The following UBTD1 variants were observed in gnomAD, a reference collection of about 807,000 sequenced individuals.
UBTD1 encodes ubiquitin domain-containing protein 1.
A neutral mutation model predicts 21.7 loss-of-function variants in UBTD1; 19 were observed. That is an observed-to-expected ratio of 0.87 (90% CI 0.61 to 1.28). The LOEUF (loss-of-function observed/expected upper bound fraction) is 1.28. Ranked by LOEUF, UBTD1 falls within the 50% of genes most tolerant of loss-of-function variation. The pLI, the probability that UBTD1 is intolerant of heterozygous loss-of-function variation, is 0.00. For synonymous variants in UBTD1, 116 were observed against 135.1 expected (o/e 0.86, Z 0.98); for missense variants, 282 against 315.1 (o/e 0.89, Z 0.80).
At chr10:97,506,227 A>G (rs772300203) in intron 1 of UBTD1, among the ~76,000 whole-genome samples, 1 of 152,212 alleles carries the variant, frequency 6.6e-6, no homozygotes, top group Non-Finnish European at 1.5e-5. Flanking sequence ...AAGTAGCAAC[A>G]CTGGCACTGC....
intron 1 of UBTD1, among the ~76,000 whole-genome samples, chr10:97,545,422 GT>G (rs1254663305): frequency 5.1e-4 from 11 of 21,632 alleles, no homozygotes; most frequent in African/African-American, 8.6e-4. Flanking sequence ...GTGTGGGTGT[GT>G]GTGTGTGGGT....
intron 1 of UBTD1, among the ~76,000 whole-genome samples, chr10:97,501,592 CA>C (rs147083004): frequency 8.1e-5 from 12 of 148,530 alleles, no homozygotes; most frequent in South Asian, 2.2e-4. Context: ...GACTCTGTCT[CA>C]AAAAAAAACA....
intron 1 of UBTD1, among the ~76,000 whole-genome samples, chr10:97,542,383 G>A (rs2040591153): frequency 6.6e-6 from 1 of 152,218 alleles, no homozygotes; most frequent in Non-Finnish European, 1.5e-5. Context: ...CCTTCTTTGT[G>A]CCCAGAGCAG....
At chr10:97,503,713 C>T (rs190754960) in intron 1 of UBTD1, among the ~76,000 whole-genome samples, 2 of 152,270 alleles carry the variant, frequency 1.3e-5, no homozygotes, top group East Asian at 3.9e-4. Flanking sequence ...GTACTGAGTG[C>T]CAAGCACCCT....
Position 97,545,387 on chromosome 10 carries a change from C to CGTGTGT in UBTD1, c.71-22509_71-22504dup, listed in dbSNP as rs1554866775. On this transcript the variant is annotated intron_variant, in intron 1 of 2. Transcript: ENST00000370664. ...TCTATTCTCTGGTAAGTATGGGGCT[C>CGTGTGT]GTGTGTGTGTGTGTGTGTGTGTGGG... is the stretch of plus-strand genomic sequence containing the variant. Among the ~76,000 whole-genome samples, 370 of 120,736 alleles carry CGTGTGT rather than the reference C, an allele frequency of 3.1e-3. 3 individuals carry two copies. Among genetic ancestry groups the CGTGTGT allele is most frequent in the East Asian group, 0.015 (47 of 3,198 alleles). 79.2% of individuals were successfully genotyped at this position (120,736 alleles called of 152,430 possible).
chr10:97,565,001 G>A lies in UBTD1; in HGVS notation c.71-2913G>A, dbSNP rs192574359. On this transcript the variant is annotated intron_variant, in intron 1 of 2. Coordinates refer to ENST00000370664, the MANE Select transcript of UBTD1 (RefSeq NM_024954.5). ...TAAGTCCCCGCCCCTTCAAGTTGTCGCTCCTTTCCACACAAACCAATGTAT... is the reference window on the plus strand; with the variant it reads ...TAAGTCCCCGCCCCTTCAAGTTGTCACTCCTTTCCACACAAACCAATGTAT... Among the ~76,000 whole-genome samples, 5 of 152,144 alleles carry A rather than the reference G, an allele frequency of 3.3e-5. No homozygotes were observed. In the East Asian group the frequency reaches 7.7e-4, roughly 23 times the overall value.
chr10:97,545,779 T>A (rs980789753), intron 1 of UBTD1, among the ~76,000 whole-genome samples: 1 of 152,246 alleles, frequency 6.6e-6, no homozygotes, highest in African/African-American at 2.4e-5. Flanking sequence ...GTTCTAGGCC[T>A]GCCAGGTAGC....
intron 1 of UBTD1, among the ~76,000 whole-genome samples, chr10:97,559,109 C>T (rs1455660812): frequency 5.9e-5 from 9 of 152,336 alleles, no homozygotes; most frequent in Admixed American, 5.9e-4. Flanking sequence ...CTCCTCCCTG[C>T]CATGAGAGAC....
Position 97,498,936 on chromosome 10 carries a change from C to T in UBTD1, c.-268C>T. 2.4e-6 allele frequency: 1 copy of T among 424,234 alleles called. No homozygotes were observed. Among genetic ancestry groups the T allele is most frequent in the East Asian group, 3.8e-5 (1 of 26,650 alleles). 26.3% of individuals were successfully genotyped at this position (424,234 alleles called of 1,614,324 possible). ...GTGCCCGCCCCCTCTCTCCGCCCCT[C>T]CAGCGGAGCTGGTCTCCGGCCGGGC... is the stretch of plus-strand genomic sequence containing the variant. On this transcript the variant is annotated 5_prime_UTR_variant, in exon 1 of 3. Transcript: ENST00000370664.
Position 97,563,882 on chromosome 10 carries a change from A to G in UBTD1, c.71-4032A>G, listed in dbSNP as rs530345278. 4.6e-5 allele frequency among the ~76,000 whole-genome samples: 7 copies of G among 152,302 alleles called. No individual in the cohort carries two copies. In the East Asian group the frequency reaches 1.2e-3, roughly 25 times the overall value. ...AAAAATGAAAGGATGTATTAGGCTT[A>G]TAAGGATTACTGTTATCCTTTAGGA... On this transcript the variant is annotated intron_variant, in intron 1 of 2. Coordinates refer to ENST00000370664, the MANE Select transcript of UBTD1 (RefSeq NM_024954.5).
At chr10:97,530,707 T>C (rs1439910730) in intron 1 of UBTD1, among the ~76,000 whole-genome samples, 1 of 152,102 alleles carries the variant, frequency 6.6e-6, no homozygotes, top group Non-Finnish European at 1.5e-5. Flanking sequence ...GACATCATAA[T>C]GGTAGAAGCT....
chr10:97,542,755 C>T (rs2040592528), intron 1 of UBTD1, among the ~76,000 whole-genome samples: 1 of 152,228 alleles, frequency 6.6e-6, no homozygotes, highest in South Asian at 2.1e-4. Context: ...CTGGGTTTCC[C>T]TAAGCAGAGG....
chr10:97,526,117 G>A (rs1769677711), intron 1 of UBTD1, among the ~76,000 whole-genome samples: 2 of 152,190 alleles, frequency 1.3e-5, no homozygotes, highest in African/African-American at 4.8e-5. Flanking sequence ...TAGTCTGGAA[G>A]CCTATTCGCA....
chr10:97,513,333 T>G (rs1157969557), intron 1 of UBTD1, among the ~76,000 whole-genome samples: 2 of 152,218 alleles, frequency 1.3e-5, no homozygotes, highest in African/African-American at 4.8e-5. Context: ...CAAGACAGCA[T>G]GTAGACAAGT....
chr10:97,530,868 T>C (rs147077160), intron 1 of UBTD1, among the ~76,000 whole-genome samples: 2,868 of 151,924 alleles, frequency 0.019, 101 homozygotes, highest in African/African-American at 0.066. Context: ...AATTTTTATT[T>C]TAAAAATTTT....
intron 1 of UBTD1, among the ~76,000 whole-genome samples, chr10:97,521,775 T>C (rs2040467805): frequency 6.6e-6 from 1 of 152,030 alleles, no homozygotes; most frequent in East Asian, 1.9e-4. Context: ...CCCTTTGGAG[T>C]GGGTCACACA....
chr10:97,509,352 A>C (rs1212110728), intron 1 of UBTD1, among the ~76,000 whole-genome samples: 1 of 152,234 alleles, frequency 6.6e-6, no homozygotes, highest in Non-Finnish European at 1.5e-5. Context: ...TGGGGTAAGC[A>C]TACATCATTT....
chr10:97,560,252 ACTTT>A (rs1361824774), intron 1 of UBTD1, among the ~76,000 whole-genome samples: 1 of 152,074 alleles, frequency 6.6e-6, no homozygotes, highest in Non-Finnish European at 1.5e-5. Context: ...TTTAAAGCAA[ACTTT>A]CTTTATGTCT....
intron 1 of UBTD1, among the ~76,000 whole-genome samples, chr10:97,502,148 CTCAACT>C (rs1179326541): frequency 6.6e-6 from 1 of 152,144 alleles, no homozygotes; most frequent in Non-Finnish European, 1.5e-5. Context: ...AGAAAGCAAA[CTCAACT>C]TCATCCTACC....
Sources: gnomAD v4.1 joint callset for allele counts (sites outside exome capture counted in the v4.1 genomes callset) on GRCh38, gnomAD v4.1.1 for gene constraint, MANE v1.5 for transcripts, NCBI Gene and HGNC (gene_info 2026-07-23, HGNC 2026-07-21) for gene names.